The following NUP50 variants were observed in gnomAD, a reference collection of about 807,000 sequenced individuals.
The protein encoded by NUP50 is nucleoporin 50, also known as nuclear pore complex protein Nup50.
In NUP50, 14 loss-of-function variants were observed where a neutral mutation model predicts 36.8. That is an observed-to-expected ratio of 0.38 (90% CI 0.25 to 0.59). NUP50 has a LOEUF of 0.59. Among genes scored for constraint, NUP50 ranks in the 20% least tolerant of loss-of-function variants. The pLI, the probability that NUP50 is intolerant of heterozygous loss-of-function variation, is 0.63. For synonymous variants in NUP50, 195 were observed against 210.8 expected (o/e 0.93, Z 0.65); for missense variants, 455 against 564.6 (o/e 0.81, Z 1.97).
At chr22:45,166,283 C>CTTTTTTTTTTTTT (rs71190641) in intron 1 of NUP50, 2 of 121,946 alleles carry the variant, frequency 1.6e-5, no homozygotes, top group African/African-American at 3.4e-5. Context: ...TTTTCTTTTT[C>CTTTTTTTTTTTTT]TTTTTTTTTT....
chr22:45,165,731 A>G (rs561937917), intron 1 of NUP50: 3 of 152,366 alleles, frequency 2.0e-5, no homozygotes, highest in Admixed American at 2.0e-4. Context: ...TTGGAGGGAA[A>G]ATGATAGTTT....
rs2083454847 is a variant in NUP50 at position 45,186,990 on chromosome 22, CTTA to C, written c.*2338_*2340del. ...ATTCTGATTTATGCGTTTAGTTTGA[CTTA>C]TTTTTAACAAAATATTAGAAGTTAT... On this transcript the variant is annotated 3_prime_UTR_variant, in exon 8 of 8. Transcript: ENST00000347635. 1 of 152,154 alleles carries C rather than the reference CTTA, an allele frequency of 6.6e-6. No individual in the cohort carries two copies. Among genetic ancestry groups the C allele is most frequent in the Non-Finnish European group, 1.5e-5 (1 of 68,028 alleles). The allele number at this position is 152,154 out of a possible 1,614,324, so 9.4% of individuals were successfully genotyped here.
At chr22:45,181,434 A>G in intron 6 of NUP50, 67 bp downstream of exon 6, 2 of 994,912 alleles carry the variant, frequency 2.0e-6, no homozygotes, top group Admixed American at 2.9e-5. Flanking sequence ...CAGGCTGGAG[A>G]ATGTCCTCAC....
chr22:45,172,138 A>G (rs1172208527), intron 3 of NUP50: 1 of 157,888 alleles, frequency 6.3e-6, no homozygotes, highest in Non-Finnish European at 1.4e-5. Flanking sequence ...GAAGGATGGA[A>G]GATGAGTTGT....
At position 45,186,610 on chromosome 22, in the gene NUP50, G is replaced by GGA. The variant is rs1311574079; in HGVS notation, c.*1956_*1957dup. On this transcript the variant is annotated 3_prime_UTR_variant, in exon 8 of 8. Transcript: ENST00000347635. The stretch of plus-strand genomic sequence containing the variant: ...AAAATGGCATGAAAAGATCATGATT[G>GGA]GATTTTCTTTTAAACCTGCCCTTCT... 3.3e-5 allele frequency: 5 copies of GGA among 152,488 alleles called. No homozygotes were observed. The highest frequency in any genetic ancestry group is 1.2e-4 in the African/African-American group (5 of 41,404). 9.4% of individuals were successfully genotyped at this position (152,488 alleles called of 1,614,324 possible).
chr22:45,165,669 A>C (rs575715865), intron 1 of NUP50, among the ~76,000 whole-genome samples: 1 of 152,328 alleles, frequency 6.6e-6, no homozygotes, highest in African/African-American at 2.4e-5. Flanking sequence ...TATTTGTAAA[A>C]ATCTGGTTTG....
At chr22:45,176,199 GATA>G (rs931059275) in intron 4 of NUP50, 119 bp downstream of exon 4, 2 of 1,091,154 alleles carry the variant, frequency 1.8e-6, no homozygotes, top group African/African-American at 1.6e-5. Flanking sequence ...AAACCAGGGT[GATA>G]ATGAAAGAGA....
chr22:45,172,056 C>G (rs1195341711), intron 3 of NUP50: 1 of 202,122 alleles, frequency 4.9e-6, no homozygotes, highest in Non-Finnish European at 1.0e-5. Context: ...AGCCCTTTCA[C>G]TATACTAGAG....
In NUP50 at chr22:45,186,316, G is replaced by A. The variant is rs999580226; in HGVS notation, c.*1661G>A. ...GTTTTACACTGACTTTTTAAGAATG[G>A]AGAATGCACGTGGGTTTCTGTTGCG... is the stretch of plus-strand genomic sequence containing the variant. On this transcript the variant is annotated 3_prime_UTR_variant, in exon 8 of 8. Coordinates refer to ENST00000347635, the MANE Select transcript of NUP50 (RefSeq NM_007172.4). The A allele has an allele frequency of 6.6e-6, 1 of 152,230 alleles. No homozygotes were observed. The highest frequency in any genetic ancestry group is 1.5e-5 in the Non-Finnish European group (1 of 68,044). The allele number at this position is 152,230 out of a possible 1,614,324, so 9.4% of individuals were successfully genotyped here. A position where few individuals can be genotyped will look rare whatever the true frequency, so the allele number is the denominator to read the frequency against.
At chr22:45,175,752 T>C (rs1250417537) in intron 3 of NUP50, 142 bp from the exon 4 acceptor site, 1 of 614,172 alleles carries the variant, frequency 1.6e-6, no homozygotes, top group Non-Finnish European at 2.8e-6. Context: ...TTCTTATTTC[T>C]GCTTGTGCCA....
chr22:45,185,999 A>G lies in NUP50; in HGVS notation c.*1344A>G, dbSNP rs538380124. ...ATTCTCCATTTAGAAAAGAGTGGTC[A>G]GAATAATTGTGGACGGTACAGTGGC... is the stretch of plus-strand genomic sequence containing the variant. On this transcript the variant is annotated 3_prime_UTR_variant, in exon 8 of 8. Transcript: ENST00000347635. 6.6e-6 allele frequency: 1 copy of G among 152,404 alleles called. No individual in the cohort carries two copies. Among genetic ancestry groups the G allele is most frequent in the East Asian group, 1.9e-4 (1 of 5,190 alleles). The allele number at this position is 152,404 out of a possible 1,614,324, so 9.4% of individuals were successfully genotyped here.
chr22:45,167,981 T>C (rs543263031), intron 1 of NUP50, among the ~76,000 whole-genome samples, 187 bp from the exon 2 acceptor site: 130 of 152,294 alleles, frequency 8.5e-4, no homozygotes, highest in African/African-American at 2.8e-3. Flanking sequence ...CTTTATTGAT[T>C]TGTAACACTG....
rs148370345 is a variant in NUP50 at position 45,180,641 on chromosome 22, G to A, written c.1004-645G>A. ...GATCTTCCTGCCTTGGCCCTGCAGC[G>A]TGCTGGGATTACAGGCGTGAGCCAC... On this transcript the variant is annotated intron_variant, in intron 5 of 7. Transcript: ENST00000347635. Among the ~76,000 whole-genome samples the A allele has an allele frequency of 1.3e-3, 200 of 152,288 alleles. 1 individual carries two copies. Among genetic ancestry groups the A allele is most frequent in the Non-Finnish European group, 2.2e-3 (148 of 68,020 alleles).
rs2147718503 is a variant in NUP50, at chr22:45,186,781, A to G, written c.*2126A>G. On this transcript the variant is annotated 3_prime_UTR_variant, in exon 8 of 8. Transcript: ENST00000347635. Reference sequence around the variant, plus strand: ...AATGTGATGAATATACCGTAACTCAAAATGTGATATTTTCTTAAAATCACT... The same window carrying G: ...AATGTGATGAATATACCGTAACTCAGAATGTGATATTTTCTTAAAATCACT... 1 of 152,802 alleles carries G rather than the reference A, an allele frequency of 6.5e-6. No homozygotes were observed. The highest frequency in any genetic ancestry group is 1.5e-5 in the Non-Finnish European group (1 of 68,040). 9.5% of individuals were successfully genotyped at this position (152,802 alleles called of 1,614,324 possible).
chr22:45,170,810 C>T (rs975751434), intron 2 of NUP50, among the ~76,000 whole-genome samples: 1 of 152,120 alleles, frequency 6.6e-6, no homozygotes, highest in African/African-American at 2.4e-5. Flanking sequence ...AACTCCCATT[C>T]GAACATATGC....
intron 4 of NUP50, chr22:45,177,685 G>GA (rs1187625307): frequency 6.5e-6 from 1 of 152,768 alleles, no homozygotes; most frequent in Non-Finnish European, 1.5e-5. Context: ...CCTTTTGAAG[G>GA]AAAAGATTAT....
chr22:45,179,911 T>C lies in NUP50; in HGVS notation c.1003+1011T>C, dbSNP rs577528329. 3.9e-5 allele frequency among the ~76,000 whole-genome samples: 6 copies of C among 152,210 alleles called. No homozygotes were observed. The South Asian group carries it at 6.2e-4, about 16-fold the overall frequency. On this transcript the variant is annotated intron_variant, in intron 5 of 7. Coordinates refer to ENST00000347635, the MANE Select transcript of NUP50 (RefSeq NM_007172.4). ...AGAAAAAGTGTACTTCTCAGACATA[T>C]GGACATACTGATCCTTGAGGAAGAA...
chr22:45,176,110 TGTAA>T, intron 4 of NUP50, 30 bp downstream of exon 4: 1 of 1,604,750 alleles, frequency 6.2e-7, no homozygotes, highest in Non-Finnish European at 8.5e-7. Flanking sequence ...CAGCCGCCTG[TGTAA>T]GTATCATCTA....
At chr22:45,180,311 T>C (rs1378101918) in intron 5 of NUP50, 2 of 152,196 alleles carry the variant, frequency 1.3e-5, no homozygotes, top group East Asian at 3.8e-4. Context: ...TTTCTTAGAA[T>C]TGCTTTTTGG....
Sources: gnomAD v4.1 joint callset for allele counts (sites outside exome capture counted in the v4.1 genomes callset) on GRCh38, gnomAD v4.1.1 for gene constraint, MANE v1.5 for transcripts, NCBI Gene and HGNC (gene_info 2026-07-23, HGNC 2026-07-21) for gene names.